Variants in ECD observed in about 807,000 individuals in gnomAD.
ECD encodes protein ecdysoneless homolog.
In ECD, 59 loss-of-function variants were observed where a neutral mutation model predicts 77.2. The observed-to-expected ratio is 0.76, with a 90% CI of 0.62 to 0.95. The LOEUF is 0.95. Among genes scored for constraint, ECD ranks in the 40% least tolerant of loss-of-function variants. The pLI is 0.00. For synonymous variants in ECD, 233 were observed against 267.4 expected, an observed-to-expected ratio of 0.87 and a Z score of 1.26; for missense variants, 704 against 763.4, an observed-to-expected ratio of 0.92 and a Z score of 0.92.
Position 73,159,642 on chromosome 10 carries a change from AT to A in ECD, c.323+791del, listed in dbSNP as rs1169258127. Among the ~76,000 whole-genome samples the A allele has an allele frequency of 4.5e-3, 557 of 123,618 alleles. 1 individual carries two copies. Among genetic ancestry groups the A allele is most frequent in the African/African-American group, 0.012 (382 of 30,606 alleles). The allele number at this position is 123,618 out of a possible 152,430, so 81.1% of individuals were successfully genotyped here. A position where few individuals can be genotyped will look rare whatever the true frequency, so the allele number is the denominator to read the frequency against. On this transcript the variant is annotated intron_variant, in intron 3 of 13. Transcript: ENST00000372979. ...AGTTGAACTCTTTGACAGTACTTTA[AT>A]TTTTTTTTTTTTTTTTTTTGAGACA...
chr10:73,146,264 A>G lies in ECD; in HGVS notation c.1127+12T>C, dbSNP rs1843127194. ...ACCAATCTTTGTAGTAGGAGTCTTA[A>G]CAATAACTCACCTTTCTGGCCAGTC... is the stretch of plus-strand genomic sequence containing the variant. On this transcript the variant is annotated intron_variant, in intron 9 of 13. Coordinates refer to ENST00000372979, the MANE Select transcript of ECD (RefSeq NM_007265.3). 1 of 1,555,010 alleles carries G rather than the reference A, an allele frequency of 6.4e-7. No homozygotes were observed.
rs117095756 is a variant in ECD at position 73,167,096 on chromosome 10, T to C, written c.-14+770A>G. Among the ~76,000 whole-genome samples the C allele has an allele frequency of 5.6e-3, 849 of 152,300 alleles. 4 individuals carry two copies. Among genetic ancestry groups the C allele is most frequent in the Non-Finnish European group, 8.2e-3 (555 of 68,008 alleles). On this transcript the variant is annotated intron_variant, in intron 1 of 13. Coordinates refer to ENST00000372979, the MANE Select transcript of ECD (RefSeq NM_007265.3). ...TCTTTTCCCCAATGTATGTTTTTGG[T>C]ACCTTTGCTGAAAATGAATTCACTG...
chr10:73,160,654 C>CCCCAGTACTTAGAGCAA, intron 2 of ECD, 103 bp from the exon 3 acceptor site: 1 of 825,448 alleles, frequency 1.2e-6, no homozygotes, highest in Non-Finnish European at 1.9e-6. Context: ...ACTGATTGCT[C>CCCCAGTACTTAGAGCAA]TAAGTACTGG....
At chr10:73,135,205 C>T (rs2133243548) in intron 13 of ECD, among the ~76,000 whole-genome samples, 1 of 152,112 alleles carries the variant, frequency 6.6e-6, no homozygotes, top group South Asian at 2.1e-4. Context: ...ATGAAAGAAG[C>T]GAGTGTTCCT....
At chr10:73,138,896 C>T (rs1002164172) in intron 11 of ECD, among the ~76,000 whole-genome samples, 1 of 152,086 alleles carries the variant, frequency 6.6e-6, no homozygotes, top group Non-Finnish European at 1.5e-5. Context: ...CCTGTTTTTC[C>T]TGTTATTTGC....
intron 2 of ECD, among the ~76,000 whole-genome samples, chr10:73,161,545 G>A (rs1396946776): frequency 6.6e-6 from 1 of 152,166 alleles, no homozygotes; most frequent in East Asian, 1.9e-4. Context: ...CTAGTAAGGA[G>A]ATTGAATCAA....
At position 73,156,421 on chromosome 10, in the gene ECD, G is replaced by T. The variant is rs772484148; in HGVS notation, c.444C>A (p.Ile148=). The change falls in exon 5 of 14, where the codon ATC becomes ATA. Residue 148 remains isoleucine, a synonymous_variant. Transcript: ENST00000372979. ...VFFCHGELCI[I]PAPRKSGAES... is the part of the protein sequence containing the mutation. Reference sequence around the variant, plus strand: ...CTGCTCCAGATTTTCTTGGTGCAGGGATAATACACAATTCCCCATGGCAGA... The same window carrying T: ...CTGCTCCAGATTTTCTTGGTGCAGGTATAATACACAATTCCCCATGGCAGA... 2 of 1,611,242 alleles carry T rather than the reference G, an allele frequency of 1.2e-6. No homozygotes were observed. The highest frequency in any genetic ancestry group is 1.3e-5 in the African/African-American group (1 of 74,836).
intron 9 of ECD, among the ~76,000 whole-genome samples, chr10:73,144,108 G>A (rs1346228810): frequency 6.6e-6 from 1 of 151,982 alleles, no homozygotes; most frequent in Non-Finnish European, 1.5e-5. Context: ...GTAGCACTGA[G>A]GTTGAAAAAT....
At chr10:73,157,756 C>T (rs371903207) in intron 3 of ECD, among the ~76,000 whole-genome samples, 7 of 151,614 alleles carry the variant, frequency 4.6e-5, no homozygotes, top group African/African-American at 9.7e-5. Context: ...AAAAAAGTCT[C>T]CCTCCTACTT....
intron 5 of ECD, among the ~76,000 whole-genome samples, chr10:73,155,114 C>A (rs1258604504): frequency 3.3e-5 from 5 of 151,612 alleles, no homozygotes; most frequent in Admixed American, 3.3e-4. Context: ...AGTGGTGCAA[C>A]CTCGGCTCAC....
intron 12 of ECD, 36 bp from the exon 13 acceptor site, chr10:73,136,954 A>AAAT: frequency 1.0e-6 from 1 of 992,538 alleles, no homozygotes; most frequent in Admixed American, 3.6e-5. Context: ...GCCACTTAGT[A>AAAT]ATTATTATTA....
Position 73,152,377 on chromosome 10 carries a change from C to A in ECD, c.828G>T (p.Arg276Ser), listed in dbSNP as rs1451297944. The A allele has an allele frequency of 6.2e-7, 1 of 1,613,874 alleles. No homozygotes were observed. The highest frequency in any genetic ancestry group is 1.7e-5 in the Admixed American group (1 of 59,996). ...ATCCACTCCGCCGGTCTGGCACAAA[C>A]CTTTGTTGCACCAATTGTGCATATA... is the stretch of plus-strand genomic sequence containing the variant. ...KCLYAQLVQQ[R>S]FVPDRRSGYR... The change falls in exon 7 of 14, where the codon AGG (arginine) becomes AGT (serine). Residue 276 changes from arginine (R) to serine (S), a missense_variant. Coordinates refer to ENST00000372979, the MANE Select transcript of ECD (RefSeq NM_007265.3).
In ECD at chr10:73,148,571, AT is replaced by A. The variant is rs367566624; in HGVS notation, c.913-168del. 1.5e-3 allele frequency among the ~76,000 whole-genome samples: 228 copies of A among 152,350 alleles called. 7 individuals are homozygous for A. Among genetic ancestry groups the A allele is most frequent in the African/African-American group, 4.8e-3 (200 of 41,592 alleles). ...TGAATTTTATGAAAAATATAAACTT[AT>A]TCCCAAGTTTCTCAATCATTATAGA... On this transcript the variant is annotated intron_variant, in intron 7 of 13. Coordinates refer to ENST00000372979, the MANE Select transcript of ECD (RefSeq NM_007265.3).
intron 9 of ECD, among the ~76,000 whole-genome samples, chr10:73,144,186 G>A (rs1239452698): frequency 2.0e-5 from 3 of 152,094 alleles, no homozygotes; most frequent in African/African-American, 4.8e-5. Flanking sequence ...TATCATATAA[G>A]TACACTGCAA....
rs1843515097 is a variant in ECD, at chr10:73,167,941, G to A, written c.-89C>T. The A allele has an allele frequency of 4.6e-6, 1 of 217,730 alleles. No individual in the cohort carries two copies. The highest frequency in any genetic ancestry group is 2.3e-5 in the African/African-American group (1 of 42,608). The allele number at this position is 217,730 out of a possible 1,614,324, so 13.5% of individuals were successfully genotyped here. On this transcript the variant is annotated 5_prime_UTR_variant, in exon 1 of 14. Transcript: ENST00000372979. The stretch of plus-strand genomic sequence containing the variant: ...GCCTCTCCGACTGCGAGAGCTGATC[G>A]AGAGCTGCCACCGGCCGCCGAAGCC...
intron 6 of ECD, 127 bp from the exon 7 acceptor site, chr10:73,152,548 T>C (rs1365847038): frequency 1.8e-6 from 2 of 1,082,056 alleles, no homozygotes; most frequent in Non-Finnish European, 2.6e-6. Flanking sequence ...CAAAGAAGAT[T>C]CAACCTATTC....
chr10:73,148,610 T>C (rs919326423), intron 7 of ECD, among the ~76,000 whole-genome samples: 9 of 152,150 alleles, frequency 5.9e-5, no homozygotes, highest in Non-Finnish European at 1.5e-5. Context: ...ACTAAAAACA[T>C]AAAAGGAAAG....
intron 2 of ECD, 98 bp downstream of exon 2, chr10:73,163,635 T>C (rs112435169): frequency 2.9e-5 from 36 of 1,220,432 alleles, no homozygotes; most frequent in African/African-American, 2.4e-4. Context: ...TATTAATCTC[T>C]TCCTGGCAAC....
rs2133248801 is a variant in ECD, at chr10:73,139,621, C to T, written c.1234+10G>A. The T allele has an allele frequency of 6.3e-7, 1 of 1,599,516 alleles. No homozygotes were observed. Among genetic ancestry groups the T allele is most frequent in the South Asian group, 1.1e-5 (1 of 88,886 alleles). On this transcript the variant is annotated intron_variant, in intron 10 of 13. Coordinates refer to ENST00000372979, the MANE Select transcript of ECD (RefSeq NM_007265.3). ...TTAACCCTTCCACTGTATCCTGGTCCATCACTTACCATCCTCTGGGGGAAG... is the reference window on the plus strand; with the variant it reads ...TTAACCCTTCCACTGTATCCTGGTCTATCACTTACCATCCTCTGGGGGAAG...
Sources: gnomAD v4.1 joint callset for allele counts (sites outside exome capture counted in the v4.1 genomes callset) on GRCh38, gnomAD v4.1.1 for gene constraint, MANE v1.5 for transcripts, NCBI Gene and HGNC (gene_info 2026-07-23, HGNC 2026-07-21) for gene names.